SERF2: variants seen among roughly 807,000 people sequenced by gnomAD.
SERF2 encodes gastric cancer-related protein VRG107.
A neutral mutation model predicts 10.7 loss-of-function variants in SERF2; 4 were observed. The observed-to-expected ratio is 0.37, with a 90% CI of 0.18 to 0.86. SERF2 has a LOEUF of 0.86. Ranked by LOEUF, SERF2 falls within the 40% of genes least tolerant of loss-of-function variation. The pLI is 0.43. For missense variants in SERF2, 47 were observed against 79.1 expected (o/e 0.59, Z 1.54); for synonymous variants, 26 against 26.0 (o/e 1.00, Z 0.01).
rs537044016 is a variant in SERF2 at position 43,786,150 on chromosome 15, T to C, written c.-402+616T>C. On this transcript the variant is annotated intron_variant, in intron 2 of 4. Transcript: ENST00000381359. Reference sequence around the variant, plus strand: ...CTGGTTGAAGGCCAGACACAGCGGCTCACGCCTGTAATCCCAGCACTTTGG... The same window carrying C: ...CTGGTTGAAGGCCAGACACAGCGGCCCACGCCTGTAATCCCAGCACTTTGG... 1.1e-4 allele frequency among the ~76,000 whole-genome samples: 17 copies of C among 151,972 alleles called. No homozygotes were observed. The South Asian group carries it at 3.1e-3, about 28-fold the overall frequency.
intron 1 of SERF2, chr15:43,777,651 T>C (rs2086931368): frequency 6.3e-6 from 1 of 158,756 alleles, no homozygotes. Flanking sequence ...AGGTCTCACC[T>C]CGTGGCCTAA....
Position 43,795,357 on chromosome 15 carries a change from A to C in SERF2, c.*1584A>C, listed in dbSNP as rs1158880323. ...CTTTCCTTAAAATAGCTAGCTCTTC[A>C]GGAGAGTATCTAAGGCCCACTCCAT... is the stretch of plus-strand genomic sequence containing the variant. On this transcript the variant is annotated 3_prime_UTR_variant, in exon 3 of 3. Transcript: ENST00000249786. 3.1e-6 allele frequency: 5 copies of C among 1,612,450 alleles called. No individual in the cohort carries two copies. Among genetic ancestry groups the C allele is most frequent in the South Asian group, 1.1e-5 (1 of 91,030 alleles).
chr15:43,783,008 C>CTT (rs61152230), intron 1 of SERF2, among the ~76,000 whole-genome samples: 1,095 of 99,814 alleles, frequency 0.011, 52 homozygotes, highest in African/African-American at 0.041. Flanking sequence ...CCACACCTGG[C>CTT]TTTTTTTTTT....
chr15:43,783,927 A>ATTTTTTTTTTT lies in SERF2; in HGVS notation c.-526-1464_-526-1454dup, dbSNP rs71111825. ...CAAGCGGGTGCCACCACGCCCAGCT[A>ATTTTTTTTTTT]TTTTTTTTTTTTTTTTTTTTTTTTT... On this transcript the variant is annotated intron_variant, in intron 1 of 4. Transcript: ENST00000381359. Among the ~76,000 whole-genome samples the ATTTTTTTTTTT allele has an allele frequency of 7.5e-3, 363 of 48,168 alleles. 14 individuals are homozygous for ATTTTTTTTTTT. The highest frequency in any genetic ancestry group is 0.011 in the Non-Finnish European group (288 of 26,992). The allele number at this position is 48,168 out of a possible 152,430, so 31.6% of individuals were successfully genotyped here.
Position 43,795,066 on chromosome 15 carries a change from C to T in SERF2, c.*1293C>T, listed in dbSNP as rs552855311. ...GGCGGCGGCGCCTCAAGATAAGGGG[C>T]TGGGGTTTCTGGGTGGGGGGCCAAC... is the stretch of plus-strand genomic sequence containing the variant. On this transcript the variant is annotated 3_prime_UTR_variant, in exon 3 of 3. Transcript: ENST00000249786. 14 of 1,608,702 alleles carry T rather than the reference C, an allele frequency of 8.7e-6. No individual in the cohort carries two copies. The East Asian group carries it at 1.1e-4, about 13-fold the overall frequency.
chr15:43,795,681 C>T lies in SERF2; in HGVS notation c.*1908C>T, dbSNP rs1332257967. 1.2e-6 allele frequency: 2 copies of T among 1,613,962 alleles called. No individual in the cohort carries two copies. The highest frequency in any genetic ancestry group is 1.7e-6 in the Non-Finnish European group (2 of 1,179,862). On this transcript the variant is annotated 3_prime_UTR_variant, in exon 3 of 3. Transcript: ENST00000249786. ...CCACTTCTTATGGTTCCTCACTTGGCACTCACCTTTGTCTGCCTCCACTGT... is the reference window on the plus strand; with the variant it reads ...CCACTTCTTATGGTTCCTCACTTGGTACTCACCTTTGTCTGCCTCCACTGT...
upstream of SERF2, chr15:43,792,299 G>A (rs908952162): frequency 7.6e-5 from 95 of 1,252,684 alleles, 2 homozygotes; most frequent in Admixed American, 1.1e-3. Context: ...GTGCTACGTT[G>A]CCAGAAGGGG....
chr15:43,795,820 G>A lies in SERF2; in HGVS notation c.*2047G>A, dbSNP rs185081856. On this transcript the variant is annotated 3_prime_UTR_variant, in exon 3 of 3. Transcript: ENST00000249786. ...GGAAACTTCCCCCGTGAAAAGATTGGTCTAGTATTAAAAAGTGGAGGCACA... is the reference window on the plus strand; with the variant it reads ...GGAAACTTCCCCCGTGAAAAGATTGATCTAGTATTAAAAAGTGGAGGCACA... The A allele has an allele frequency of 3.0e-5, 44 of 1,443,124 alleles. No homozygotes were observed. In the African/African-American group the frequency reaches 5.8e-4, roughly 19 times the overall value. The allele number at this position is 1,443,124 out of a possible 1,614,324, so 89.4% of individuals were successfully genotyped here.
At chr15:43,791,713 G>C (rs1182318225), upstream of SERF2, 3 of 152,804 alleles carry the variant, frequency 2.0e-5, no homozygotes, top group African/African-American at 7.2e-5. Context: ...AAAGTTTCTG[G>C]GGGAAAACGA....
chr15:43,795,274 A>C lies in SERF2; in HGVS notation c.*1501A>C. The C allele has an allele frequency of 6.3e-7, 1 of 1,591,916 alleles. No individual in the cohort carries two copies. The highest frequency in any genetic ancestry group is 8.6e-7 in the Non-Finnish European group (1 of 1,160,738). On this transcript the variant is annotated 3_prime_UTR_variant, in exon 3 of 3. Transcript: ENST00000249786. ...GGGCCTTAGCTTTTAGACCTGTTCT[A>C]CCTCCTCACCAAATATAATGGCAGA...
At position 43,796,041 on chromosome 15, in the gene SERF2, T is replaced by A; in HGVS notation, c.*2268T>A. 2 of 806,128 alleles carry A rather than the reference T, an allele frequency of 2.5e-6. No homozygotes were observed. Among genetic ancestry groups the A allele is most frequent in the South Asian group, 3.1e-5 (2 of 64,928 alleles). 49.9% of individuals were successfully genotyped at this position (806,128 alleles called of 1,614,324 possible). On this transcript the variant is annotated 3_prime_UTR_variant, in exon 3 of 3. Transcript: ENST00000249786. ...TGCCTAGCACATTGTGGGTACTCAA[T>A]AAAAGGTAACAGCAGCTATAATCTG...
intron 1 of SERF2, among the ~76,000 whole-genome samples, chr15:43,780,599 C>A (rs961515925): frequency 6.6e-6 from 1 of 152,146 alleles, no homozygotes; most frequent in African/African-American, 2.4e-5. Flanking sequence ...CTAGCAACAA[C>A]CACCCTTCTG....
intron 2 of SERF2, among the ~76,000 whole-genome samples, chr15:43,786,227 A>G (rs2087005741): frequency 6.6e-6 from 1 of 151,464 alleles, no homozygotes; most frequent in African/African-American, 2.4e-5. Flanking sequence ...CATCCTGACT[A>G]ACACGGTGAA....
At chr15:43,778,033 C>T (rs564087254) in intron 1 of SERF2, 5 of 150,814 alleles carry the variant, frequency 3.3e-5, no homozygotes, top group African/African-American at 7.3e-5. Flanking sequence ...GCACGATCTC[C>T]GCTCACTGCA....
At position 43,793,836 on chromosome 15, in the gene SERF2, C is replaced by T. The variant is rs772478588; in HGVS notation, c.*63C>T. On this transcript the variant is annotated 3_prime_UTR_variant, in exon 3 of 3. Coordinates refer to ENST00000249786, the MANE Select transcript of SERF2 (RefSeq NM_001018108.4). ...TGTGTGCCTGGAGCCAGTCCCACCA[C>T]GCTCGCGTTTCCTCCTGTAGTGCTC... is the stretch of plus-strand genomic sequence containing the variant. The T allele has an allele frequency of 6.2e-6, 10 of 1,613,942 alleles. No homozygotes were observed. Among genetic ancestry groups the T allele is most frequent in the South Asian group, 4.4e-5 (4 of 91,082 alleles).
chr15:43,793,974 G>T lies in SERF2; in HGVS notation c.*201G>T. On this transcript the variant is annotated 3_prime_UTR_variant, in exon 3 of 3. Coordinates refer to ENST00000249786, the MANE Select transcript of SERF2 (RefSeq NM_001018108.4). The stretch of plus-strand genomic sequence containing the variant: ...CCCCTGGGCCACTCCCGGGGGTGAG[G>T]GGGTTACCCCTTCCCAGTGTTTTTT... 1 of 1,528,610 alleles carries T rather than the reference G, an allele frequency of 6.5e-7. No individual in the cohort carries two copies. The allele number at this position is 1,528,610 out of a possible 1,614,324, so 94.7% of individuals were successfully genotyped here.
upstream of SERF2, among the ~76,000 whole-genome samples, chr15:43,787,515 A>G (rs1311779559): frequency 1.3e-5 from 2 of 152,180 alleles, no homozygotes; most frequent in Admixed American, 6.5e-5. Context: ...CTCCTGCCTC[A>G]GACTCCCGAG....
chr15:43,791,252 T>C (rs1167453140), upstream of SERF2, among the ~76,000 whole-genome samples: 1 of 144,484 alleles, frequency 6.9e-6, no homozygotes, highest in Non-Finnish European at 1.5e-5. Flanking sequence ...TCTTATTAAC[T>C]TTTTTTTTAG....
intron 1 of SERF2, among the ~76,000 whole-genome samples, chr15:43,783,169 A>T (rs868333164): frequency 6.7e-4 from 101 of 151,596 alleles, no homozygotes; most frequent in African/African-American, 2.3e-3. Context: ...CACCACACTC[A>T]GCCAATTTTT....
Sources: gnomAD v4.1 joint callset for allele counts (sites outside exome capture counted in the v4.1 genomes callset) on GRCh38, gnomAD v4.1.1 for gene constraint, MANE v1.5 for transcripts, NCBI Gene and HGNC (gene_info 2026-07-23, HGNC 2026-07-21) for gene names.